The following ACAN variants were observed in gnomAD, a reference collection of about 807,000 sequenced individuals.
The protein encoded by ACAN is aggrecan core protein.
ACAN carries 47 observed loss-of-function variants against 169.1 expected under a neutral mutation model. That is an observed-to-expected ratio of 0.28 (90% CI 0.22 to 0.35). The LOEUF (loss-of-function observed/expected upper bound fraction) is 0.35, where lower values mean the gene tolerates loss of function less well. ACAN is among the 10% of genes least tolerant of loss of function. ACAN has a pLI of 1.00. For missense variants in ACAN, 2,716 were observed against 2,759.9 expected (o/e 0.98, Z 0.36); for synonymous variants, 1,115 against 1,112.2 (o/e 1.00, Z -0.05).
chr15:88,846,653 T>C (rs1261664099), intron 7 of ACAN, among the ~76,000 whole-genome samples: 1 of 152,216 alleles, frequency 6.6e-6, no homozygotes, highest in Non-Finnish European at 1.5e-5. Flanking sequence ...GTAATACAGA[T>C]TTAAAACAAT....
chr15:88,808,907 T>C (rs1273485517), intron 1 of ACAN, among the ~76,000 whole-genome samples: 2 of 151,972 alleles, frequency 1.3e-5, no homozygotes, highest in African/African-American at 2.4e-5. Flanking sequence ...AAAAGAAAAG[T>C]CCGAGCCCCC....
chr15:88,825,753 T>G (rs1249783729), intron 1 of ACAN, among the ~76,000 whole-genome samples: 1 of 150,242 alleles, frequency 6.7e-6, no homozygotes, highest in African/African-American at 2.4e-5. Flanking sequence ...TTTCAAGTAT[T>G]TCTGTACTAC....
rs1204231786 is a variant in ACAN at position 88,871,601 on chromosome 15, A to C, written c.7219+61A>C. The C allele has an allele frequency of 2.6e-6, 4 of 1,535,492 alleles. No individual in the cohort carries two copies. In the African/African-American group the frequency reaches 4.1e-5, roughly 16 times the overall value. On this transcript the variant is annotated intron_variant, in intron 15 of 18. Coordinates refer to ENST00000560601, the MANE Select transcript of ACAN (RefSeq NM_001369268.1). The surrounding 1 kb of genome is among the most constrained non-coding windows in gnomAD (Gnocchi z 7.8). Reference sequence around the variant, plus strand: ...AGTGGCGGTGTAGGCAAAGGGCCTCACCTTTCAGAAGGCAGCAGATTTGGG... The same window carrying C: ...AGTGGCGGTGTAGGCAAAGGGCCTCCCCTTTCAGAAGGCAGCAGATTTGGG...
At position 88,861,637 on chromosome 15, in the gene ACAN, G is replaced by C. The variant is rs568523400; in HGVS notation, c.6946+1198G>C. On this transcript the variant is annotated intron_variant, in intron 13 of 18. Coordinates refer to ENST00000560601, the MANE Select transcript of ACAN (RefSeq NM_001369268.1). The surrounding 1 kb of genome is among the most constrained non-coding windows in gnomAD (Gnocchi z 6.3). ...AGAGAGGGTGGGCTATCCTGGGAAG[G>C]TCCCGGGCTTACTGCAGAAGGGGAC... 2.6e-5 allele frequency among the ~76,000 whole-genome samples: 4 copies of C among 152,176 alleles called. No homozygotes were observed. The highest frequency in any genetic ancestry group is 9.6e-5 in the African/African-American group (4 of 41,496).
chr15:88,870,622 T>C lies in ACAN; in HGVS notation c.7061-760T>C, dbSNP rs1248039665. 1.3e-5 allele frequency among the ~76,000 whole-genome samples: 2 copies of C among 152,176 alleles called. No individual in the cohort carries two copies. Among genetic ancestry groups the C allele is most frequent in the African/African-American group, 4.8e-5 (2 of 41,440 alleles). On this transcript the variant is annotated intron_variant, in intron 14 of 18. Transcript: ENST00000560601. This position sits in a 1 kb window ranked among gnomAD's most constrained non-coding sequence, Gnocchi z 6.3. ...GCATGGCTCCGCCTGTCCCCTAGGC[T>C]GTCCAAGAACTCCAAGCCAGCCCCT...
At chr15:88,829,810 A>G (rs1216532203) in intron 1 of ACAN, among the ~76,000 whole-genome samples, 4 of 152,202 alleles carry the variant, frequency 2.6e-5, no homozygotes, top group African/African-American at 9.6e-5. Context: ...GGAGGTGTCA[A>G]ATACCATTTT....
chr15:88,829,415 C>A (rs1567170674), intron 1 of ACAN, among the ~76,000 whole-genome samples: 2 of 152,132 alleles, frequency 1.3e-5, no homozygotes, highest in African/African-American at 4.8e-5. Flanking sequence ...TATACCATCC[C>A]ACCACGTCTG....
In ACAN at chr15:88,826,151, G is replaced by T. The variant is rs561742732; in HGVS notation, c.-7-10049G>T. Among the ~76,000 whole-genome samples the T allele has an allele frequency of 1.2e-4, 18 of 152,196 alleles. No homozygotes were observed. The South Asian group carries it at 3.5e-3, about 30-fold the overall frequency. ...GTTAGAGACTCAGCTCACGTCGGGG[G>T]GCTCTACTGACTACCCACAGGTTGA... On this transcript the variant is annotated intron_variant, in intron 1 of 18. Transcript: ENST00000560601.
At chr15:88,867,371 A>G (rs1051173675) in intron 13 of ACAN, among the ~76,000 whole-genome samples, 5 of 152,214 alleles carry the variant, frequency 3.3e-5, no homozygotes, top group Non-Finnish European at 7.3e-5. Flanking sequence ...GACTGGTGCC[A>G]GTGCTGTTGT....
chr15:88,845,533 C>T lies in ACAN; in HGVS notation c.1080C>T (p.Asn360=). ...AAGACTTTGTGGACATCCCAGAAAA[C>T]TTCTTTGGAGTGGGGGGTGAGGAGG... The part of the protein sequence containing the change: ...TGEDFVDIPE[N]FFGVGGEEDI... Residue 360 remains asparagine (N), a synonymous_variant, in exon 7 of 19, where the codon AAC becomes AAT. Transcript: ENST00000560601. 1 of 1,611,528 alleles carries T rather than the reference C, an allele frequency of 6.2e-7. No individual in the cohort carries two copies. Among genetic ancestry groups the T allele is most frequent in the Non-Finnish European group, 8.5e-7 (1 of 1,178,136 alleles).
chr15:88,838,513 G>A lies in ACAN; in HGVS notation c.71-150G>A, dbSNP rs1384554198. ...CAAGCCTTTCTGGGAATTCCCACAT[G>A]ACACGGGAGCATCCCCATCATAGAG... On this transcript the variant is annotated intron_variant, in intron 2 of 18. Coordinates refer to ENST00000560601, the MANE Select transcript of ACAN (RefSeq NM_001369268.1). The surrounding 1 kb of genome is among the most constrained non-coding windows in gnomAD (Gnocchi z 5.1). The A allele has an allele frequency of 4.0e-6, 4 of 1,010,542 alleles. No individual in the cohort carries two copies. In the East Asian group the frequency reaches 9.7e-5, roughly 25 times the overall value. The allele number at this position is 1,010,542 out of a possible 1,614,324, so 62.6% of individuals were successfully genotyped here. A position where few individuals can be genotyped will look rare whatever the true frequency, so the allele number is the denominator to read the frequency against.
chr15:88,817,230 C>T (rs986442045), intron 1 of ACAN, among the ~76,000 whole-genome samples: 4 of 152,182 alleles, frequency 2.6e-5, no homozygotes, highest in African/African-American at 7.2e-5. Flanking sequence ...CAACCTCTGC[C>T]TCCCGGGTTC....
chr15:88,831,615 T>C (rs1361874900), intron 1 of ACAN, among the ~76,000 whole-genome samples: 4 of 152,324 alleles, frequency 2.6e-5, no homozygotes, highest in African/African-American at 9.6e-5. Flanking sequence ...AGCTACCTTG[T>C]GAAGTTCATT....
intron 1 of ACAN, among the ~76,000 whole-genome samples, chr15:88,804,030 C>T (rs1895611310): frequency 6.6e-6 from 1 of 152,144 alleles, no homozygotes; most frequent in Non-Finnish European, 1.5e-5. Context: ...CAAAGGAACA[C>T]GTGAGGAGGG....
At position 88,873,779 on chromosome 15, in the gene ACAN, A is replaced by C. The variant is rs1206271658; in HGVS notation, c.7448-63A>C. Reference sequence around the variant, plus strand: ...TGTCCCCCACAGTGCCTCGGGTCACAACCAGCATAGGTCATCCCAGGAGAC... The same window carrying C: ...TGTCCCCCACAGTGCCTCGGGTCACCACCAGCATAGGTCATCCCAGGAGAC... On this transcript the variant is annotated intron_variant, in intron 17 of 18. Coordinates refer to ENST00000560601, the MANE Select transcript of ACAN (RefSeq NM_001369268.1). This position sits in a 1 kb window ranked among gnomAD's most constrained non-coding sequence, Gnocchi z 7.5. The C allele has an allele frequency of 1.2e-5, 18 of 1,557,846 alleles. No homozygotes were observed. Among genetic ancestry groups the C allele is most frequent in the Middle Eastern group, 1.8e-4 (1 of 5,658 alleles).
intron 1 of ACAN, among the ~76,000 whole-genome samples, chr15:88,820,888 A>G (rs1896059585): frequency 1.3e-5 from 2 of 152,148 alleles, no homozygotes; most frequent in Admixed American, 6.5e-5. Context: ...TAAAGGAAAG[A>G]GGTTTAAATG....
intron 12 of ACAN, 71 bp from the exon 13 acceptor site, chr15:88,860,255 T>G: frequency 8.3e-5 from 93 of 1,127,124 alleles, no homozygotes; most frequent in Non-Finnish European, 1.1e-4. Flanking sequence ...GCCCCAACTT[T>G]GAGGTCTTGG....
Position 88,859,437 on chromosome 15 carries a change from C to T in ACAN, c.6832+20C>T. ...CTGCAGGTATTGTGATTTTTTCCCCCTTTAAATGTGCTTAGGTAGTTCAGA... is the reference window on the plus strand; with the variant it reads ...CTGCAGGTATTGTGATTTTTTCCCCTTTTAAATGTGCTTAGGTAGTTCAGA... On this transcript the variant is annotated intron_variant, in intron 12 of 18. Transcript: ENST00000560601. The T allele has an allele frequency of 1.3e-6, 2 of 1,551,940 alleles. No individual in the cohort carries two copies. The highest frequency in any genetic ancestry group is 2.4e-5 in the South Asian group (2 of 84,064).
intron 9 of ACAN, among the ~76,000 whole-genome samples, chr15:88,848,735 T>G (rs1458664235): frequency 1.3e-5 from 2 of 152,250 alleles, no homozygotes; most frequent in Non-Finnish European, 2.9e-5. Context: ...CCAGAAAGAT[T>G]TCGGCATTGC....
Sources: allele counts gnomAD v4.1 joint callset (sites outside exome capture counted in the v4.1 genomes callset), GRCh38; gene constraint gnomAD v4.1.1; non-coding constraint Gnocchi (gnomAD v3.1); transcripts MANE v1.5; gene names NCBI Gene and HGNC (gene_info 2026-07-23, HGNC 2026-07-21).